Variants in DCLK1 observed in about 807,000 individuals in gnomAD.
DCLK1 encodes doublecortin like kinase 1.
DCLK1 carries 16 observed loss-of-function variants against 86.2 expected under a neutral mutation model. That is an observed-to-expected ratio of 0.19 (90% CI 0.13 to 0.28). DCLK1 has a LOEUF of 0.28. DCLK1 is among the 10% of genes least tolerant of loss of function. The pLI is 1.00. For missense variants in DCLK1, 590 were observed against 940.2 expected (o/e 0.63, Z 4.87); for synonymous variants, 369 against 370.5 (o/e 1.00, Z 0.05).
chr13:35,797,041 C>T (rs576979152), intron 15 of DCLK1, among the ~76,000 whole-genome samples: 4 of 152,232 alleles, frequency 2.6e-5, no homozygotes, highest in Admixed American at 6.5e-5. Flanking sequence ...GATGTGTCAA[C>T]GTGACCTATT....
chr13:35,807,316 C>T (rs752269962), intron 14 of DCLK1, among the ~76,000 whole-genome samples: 1 of 152,206 alleles, frequency 6.6e-6, no homozygotes, highest in Non-Finnish European at 1.5e-5. Context: ...GTGCAACCAT[C>T]ACCTTCATCC....
At chr13:35,774,789 A>C in intron 16 of DCLK1, 90 bp from the exon 17 acceptor site, 1 of 1,414,118 alleles carries the variant, frequency 7.1e-7, no homozygotes, top group African/African-American at 1.4e-5. Flanking sequence ...GGTCAGAAAA[A>C]ATACACTGGC....
At chr13:35,888,987 AT>A (rs144801177) in intron 4 of DCLK1, among the ~76,000 whole-genome samples, 20 of 152,138 alleles carry the variant, frequency 1.3e-4, no homozygotes, top group African/African-American at 4.6e-4. Context: ...ACATGGCAGA[AT>A]TTTTTTCCTT....
At chr13:36,080,567 T>C (rs891313640) in intron 3 of DCLK1, among the ~76,000 whole-genome samples, 1 of 152,214 alleles carries the variant, frequency 6.6e-6, no homozygotes, top group African/African-American at 2.4e-5. Flanking sequence ...TGCTCCATAT[T>C]GTACTTCAGT....
intron 3 of DCLK1, among the ~76,000 whole-genome samples, chr13:36,077,573 AT>A (rs1361399609): frequency 1.3e-5 from 2 of 152,206 alleles, no homozygotes; most frequent in African/African-American, 4.8e-5. Flanking sequence ...CAGAAAATAT[AT>A]ATATAAAGAA....
intron 3 of DCLK1, among the ~76,000 whole-genome samples, chr13:36,062,849 G>C (rs145240783): frequency 1.1e-4 from 17 of 152,266 alleles, no homozygotes; most frequent in Non-Finnish European, 2.2e-4. Context: ...AATCCAACTT[G>C]ACAATATGTT....
intron 2 of DCLK1, among the ~76,000 whole-genome samples, chr13:36,119,239 T>C (rs1048850410): frequency 6.6e-6 from 1 of 152,118 alleles, no homozygotes; most frequent in Admixed American, 6.5e-5. Flanking sequence ...TTAGGAGTAA[T>C]AGGCCTTAAA....
upstream of DCLK1, among the ~76,000 whole-genome samples, chr13:36,131,896 A>C (rs1381404382): frequency 1.3e-5 from 2 of 152,090 alleles, no homozygotes; most frequent in Non-Finnish European, 2.9e-5. Flanking sequence ...CTCCCAAGCT[A>C]TGCACTCTGG....
chr13:36,045,257 CTATATA>C (rs59721866), intron 3 of DCLK1, among the ~76,000 whole-genome samples: 1 of 122,368 alleles, frequency 8.2e-6, no homozygotes, highest in African/African-American at 3.0e-5. Flanking sequence ...AATCCATCTT[CTATATA>C]TATATATATA....
chr13:35,854,359 A>T, intron 6 of DCLK1, 140 bp downstream of exon 6: 1 of 518,244 alleles, frequency 1.9e-6, no homozygotes, highest in South Asian at 7.0e-5. Context: ...AAACCAAAGC[A>T]ATAAGCAACC....
chr13:36,120,081 TAAC>T (rs1484917175), intron 2 of DCLK1, among the ~76,000 whole-genome samples: 1 of 152,158 alleles, frequency 6.6e-6, no homozygotes, highest in Non-Finnish European at 1.5e-5. Flanking sequence ...TCACATATTA[TAAC>T]AATATGACTT....
intron 3 of DCLK1, among the ~76,000 whole-genome samples, chr13:36,025,822 A>G (rs1283543050): frequency 1.3e-5 from 2 of 151,756 alleles, no homozygotes; most frequent in Non-Finnish European, 2.9e-5. Flanking sequence ...ATTAAAATAT[A>G]AAAAAAAATT....
Position 35,838,415 on chromosome 13 carries a change from G to A in DCLK1, c.1120+677C>T, listed in dbSNP as rs546819195. Reference sequence around the variant, plus strand: ...TATCTTTTCCAAATACTTCCCCACAGTTGATTTGAACCTGGTAACAGCCTT... The same window carrying A: ...TATCTTTTCCAAATACTTCCCCACAATTGATTTGAACCTGGTAACAGCCTT... On this transcript the variant is annotated intron_variant, in intron 7 of 16. Coordinates refer to ENST00000360631, the MANE Select transcript of DCLK1 (RefSeq NM_001330071.2). Among the ~76,000 whole-genome samples, 326 of 152,294 alleles carry A rather than the reference G, an allele frequency of 2.1e-3. 2 individuals carry two copies. The highest frequency in any genetic ancestry group is 4.4e-3 in the Admixed American group (67 of 15,296).
At chr13:36,054,140 C>T (rs186959946) in intron 3 of DCLK1, among the ~76,000 whole-genome samples, 3 of 152,248 alleles carry the variant, frequency 2.0e-5, no homozygotes, top group Non-Finnish European at 4.4e-5. Context: ...ATATTTGTTT[C>T]ATCACCAGGA....
intron 3 of DCLK1, among the ~76,000 whole-genome samples, chr13:36,085,191 T>C (rs935061334): frequency 2.6e-5 from 4 of 152,186 alleles, no homozygotes; most frequent in Non-Finnish European, 5.9e-5. Context: ...GCCTATATGC[T>C]CTGAAAGTTG....
intron 6 of DCLK1, chr13:35,847,624 A>C (rs1870276482): frequency 5.5e-6 from 1 of 182,382 alleles, no homozygotes. Context: ...TAAGCAAAAA[A>C]AAGAAAGAAA....
At chr13:35,808,348 A>AAAGG (rs2087072184) in intron 13 of DCLK1, 28 bp from the exon 14 acceptor site, 8 of 1,584,662 alleles carry the variant, frequency 5.0e-6, no homozygotes, top group Non-Finnish European at 6.9e-6. Context: ...AACAAGGAAA[A>AAAGG]ACAGCACTAA....
chr13:35,828,239 T>G lies in DCLK1; in HGVS notation c.1287+11A>C. On this transcript the variant is annotated intron_variant, in intron 9 of 16. Transcript: ENST00000360631. Reference sequence around the variant, plus strand: ...ACACTCTTATCTCATAAGAACAAATTTTATACATACTTTGCCTCGACATTT... The same window carrying G: ...ACACTCTTATCTCATAAGAACAAATGTTATACATACTTTGCCTCGACATTT... 7 of 1,607,638 alleles carry G rather than the reference T, an allele frequency of 4.4e-6. No individual in the cohort carries two copies. Among genetic ancestry groups the G allele is most frequent in the Non-Finnish European group, 5.9e-6 (7 of 1,176,478 alleles).
intron 3 of DCLK1, among the ~76,000 whole-genome samples, chr13:36,079,160 G>C (rs568369418): frequency 6.6e-6 from 1 of 152,338 alleles, no homozygotes; most frequent in East Asian, 1.9e-4. Flanking sequence ...CAAGGTCACA[G>C]TAGATCATAG....
Sources: allele counts gnomAD v4.1 joint callset (sites outside exome capture counted in the v4.1 genomes callset), GRCh38; gene constraint gnomAD v4.1.1; transcripts MANE v1.5; gene names NCBI Gene and HGNC (gene_info 2026-07-23, HGNC 2026-07-21).